Variants in GABRG2 observed in about 807,000 individuals in gnomAD.
The protein encoded by GABRG2 is gamma-aminobutyric acid receptor subunit gamma-2.
GABRG2 carries 16 observed loss-of-function variants against 56.4 expected under a neutral mutation model. The observed-to-expected ratio is 0.28, with a 90% CI of 0.19 to 0.43. The LOEUF (loss-of-function observed/expected upper bound fraction) is 0.43, where lower values mean the gene tolerates loss of function less well. Among genes scored for constraint, GABRG2 ranks in the 20% least tolerant of loss-of-function variants. The probability of loss-of-function intolerance (pLI) is 1.00; values close to 1 mark genes in which losing one functional copy is unlikely to be tolerated. For missense variants in GABRG2, 327 were observed against 582.7 expected (o/e 0.56, Z 4.52); for synonymous variants, 208 against 205.5 (o/e 1.01, Z -0.10).
intron 6 of GABRG2, among the ~76,000 whole-genome samples, chr5:162,119,208 AG>A (rs1762825091): frequency 6.6e-6 from 1 of 152,142 alleles, no homozygotes; most frequent in Non-Finnish European, 1.5e-5. Context: ...GTCTATATGT[AG>A]GGATGCAAGG....
intron 3 of GABRG2, 139 bp downstream of exon 3, chr5:162,095,701 C>CT (rs1336200932): frequency 4.6e-6 from 3 of 651,640 alleles, no homozygotes; most frequent in South Asian, 1.8e-5. Context: ...CTTCCAGATC[C>CT]TTTTTTTCTT....
chr5:162,151,795 T>C, intron 9 of GABRG2, 42 bp downstream of exon 9: 1 of 1,522,718 alleles, frequency 6.6e-7, no homozygotes, highest in Non-Finnish European at 9.1e-7. Flanking sequence ...ATGCAACTGC[T>C]AAATTTAACT....
chr5:162,071,381 TAATA>T (rs990431007), intron 1 of GABRG2, among the ~76,000 whole-genome samples: 4 of 151,682 alleles, frequency 2.6e-5, no homozygotes, highest in Non-Finnish European at 4.4e-5. Flanking sequence ...CAAGATTTTG[TAATA>T]TACTTAGAGT....
chr5:162,152,673 T>C (rs978840958), intron 9 of GABRG2: 1 of 357,168 alleles, frequency 2.8e-6, no homozygotes, highest in Non-Finnish European at 5.2e-6. Context: ...TGCCTATAAC[T>C]AAGCATGACA....
At chr5:162,130,663 A>C (rs540040738) in intron 6 of GABRG2, among the ~76,000 whole-genome samples, 26 of 152,066 alleles carry the variant, frequency 1.7e-4, no homozygotes, top group Admixed American at 8.5e-4. Context: ...CTTGATTTTG[A>C]CCCATTTGTG....
intron 1 of GABRG2, among the ~76,000 whole-genome samples, chr5:162,077,527 T>C (rs1759231725): frequency 6.6e-6 from 1 of 152,198 alleles, no homozygotes; most frequent in Non-Finnish European, 1.5e-5. Flanking sequence ...AGATGTATTT[T>C]ATTATAAGAA....
chr5:162,070,425 T>G (rs777485659), intron 1 of GABRG2, among the ~76,000 whole-genome samples: 1 of 151,934 alleles, frequency 6.6e-6, no homozygotes, highest in Non-Finnish European at 1.5e-5. Context: ...GGAAGGACAA[T>G]AAATAACTGG....
intron 1 of GABRG2, among the ~76,000 whole-genome samples, chr5:162,079,905 G>A (rs1277658982): frequency 6.6e-6 from 1 of 152,082 alleles, no homozygotes; most frequent in Non-Finnish European, 1.5e-5. Flanking sequence ...TCAGCCTCCT[G>A]AGTAGCTGAG....
rs572797000 is a variant in GABRG2, at chr5:162,090,615, C to T, written c.108-3213C>T. 1.6e-3 allele frequency among the ~76,000 whole-genome samples: 241 copies of T among 152,178 alleles called. 1 individual carries two copies. Among genetic ancestry groups the T allele is most frequent in the African/African-American group, 5.3e-3 (220 of 41,514 alleles). On this transcript the variant is annotated intron_variant, in intron 1 of 9. Transcript: ENST00000639213. ...TTCACATTCTTTTCTGACACTATCA[C>T]TCAGAAACTATCACTCAGATGACAA... is the stretch of plus-strand genomic sequence containing the variant.
intron 6 of GABRG2, among the ~76,000 whole-genome samples, chr5:162,136,995 G>A (rs530949599): frequency 2.5e-4 from 38 of 152,258 alleles, no homozygotes; most frequent in African/African-American, 8.7e-4. Flanking sequence ...GATATTGAAT[G>A]TACTCCAGAA....
Position 162,149,272 on chromosome 5 carries a change from C to A in GABRG2, c.1087C>A (p.Arg363=). The A allele has an allele frequency of 1.2e-6, 2 of 1,614,016 alleles. No individual in the cohort carries two copies. The highest frequency in any genetic ancestry group is 1.1e-5 in the South Asian group (1 of 91,072). Residue 363 remains arginine, a synonymous_variant, in exon 8 of 10, where the codon CGG becomes AGG. Coordinates refer to ENST00000639213, the MANE Select transcript of GABRG2 (RefSeq NM_198904.4). The part of the protein sequence containing the change: ...YGTLHYFVSN[R]KPSKDKDKKK... ...CACCTTGCATTATTTTGTCAGCAACCGGAAACCAAGCAAGGACAAAGATAA... is the reference window on the plus strand; with the variant it reads ...CACCTTGCATTATTTTGTCAGCAACAGGAAACCAAGCAAGGACAAAGATAA...
chr5:162,097,919 C>A (rs1761118025), intron 4 of GABRG2, 61 bp downstream of exon 4: 3 of 1,377,320 alleles, frequency 2.2e-6, no homozygotes, highest in Non-Finnish European at 3.1e-6. Context: ...ACACAAAAAT[C>A]AACCTTAAGT....
chr5:162,147,485 C>A (rs1464892275), intron 7 of GABRG2, among the ~76,000 whole-genome samples: 2 of 152,030 alleles, frequency 1.3e-5, no homozygotes, highest in African/African-American at 4.8e-5. Flanking sequence ...CTGCCTCAGC[C>A]CCTCGAGTAG....
chr5:162,088,595 T>C (rs2113256908), intron 1 of GABRG2, among the ~76,000 whole-genome samples: 1 of 152,266 alleles, frequency 6.6e-6, no homozygotes, highest in Non-Finnish European at 1.5e-5. Context: ...GACTCAGGCA[T>C]AAATTAATTT....
At chr5:162,092,536 T>C (rs766458237) in intron 1 of GABRG2, among the ~76,000 whole-genome samples, 31 of 152,186 alleles carry the variant, frequency 2.0e-4, no homozygotes, top group Non-Finnish European at 4.0e-4. Flanking sequence ...AAGATCTATA[T>C]ATATGATGTA....
intron 7 of GABRG2, among the ~76,000 whole-genome samples, chr5:162,145,912 T>C (rs932160818): frequency 1.1e-4 from 16 of 152,222 alleles, no homozygotes; most frequent in Non-Finnish European, 1.9e-4. Context: ...AATTAATGCA[T>C]AGACAACCTA....
intron 6 of GABRG2, among the ~76,000 whole-genome samples, chr5:162,129,640 C>T (rs1006933725): frequency 6.6e-6 from 1 of 151,492 alleles, no homozygotes; most frequent in African/African-American, 2.4e-5. Context: ...AAAAACAGAC[C>T]GGACAAGTAA....
chr5:162,100,390 G>C (rs967413638), intron 4 of GABRG2: 1 of 152,030 alleles, frequency 6.6e-6, no homozygotes, highest in Non-Finnish European at 1.5e-5. Context: ...AAGAGATATA[G>C]CTAAAAATAT....
chr5:162,078,753 C>T (rs1759404961), intron 1 of GABRG2, among the ~76,000 whole-genome samples: 1 of 151,730 alleles, frequency 6.6e-6, no homozygotes, highest in African/African-American at 2.4e-5. Context: ...ACAGAATTTT[C>T]ATCAGTGTGA....
Sources: gnomAD v4.1 joint callset for allele counts (sites outside exome capture counted in the v4.1 genomes callset) on GRCh38, gnomAD v4.1.1 for gene constraint, MANE v1.5 for transcripts, NCBI Gene and HGNC (gene_info 2026-07-23, HGNC 2026-07-21) for gene names.